The following HIBADH variants were observed in gnomAD, a reference collection of about 807,000 sequenced individuals.
The protein encoded by HIBADH is 3-hydroxyisobutyrate dehydrogenase, mitochondrial.
Under a neutral mutation model 36.1 loss-of-function variants are expected in HIBADH, and 25 were observed. That is an observed-to-expected ratio of 0.69 (90% confidence interval 0.50 to 0.97). The LOEUF (loss-of-function observed/expected upper bound fraction) is 0.97, where lower values mean the gene tolerates loss of function less well. HIBADH is among the 50% of genes least tolerant of loss of function. The probability of loss-of-function intolerance (pLI) is 0.00; values close to 1 mark genes in which losing one functional copy is unlikely to be tolerated. For missense variants in HIBADH, 421 were observed against 418.0 expected (o/e 1.01, Z -0.06); for synonymous variants, 160 against 149.5 (o/e 1.07, Z -0.51).
At chr7:27,598,890 A>T (rs1227337438) in intron 4 of HIBADH, among the ~76,000 whole-genome samples, 1 of 152,110 alleles carries the variant, frequency 6.6e-6, no homozygotes, top group Non-Finnish European at 1.5e-5. Flanking sequence ...GGAACCTACA[A>T]ATACCAACAA....
chr7:27,527,967 T>C (rs2128182460), intron 7 of HIBADH, among the ~76,000 whole-genome samples: 1 of 137,226 alleles, frequency 7.3e-6, no homozygotes, highest in Admixed American at 7.7e-5. Context: ...TTCACCATGT[T>C]GGCCAGGCTG....
intron 4 of HIBADH, among the ~76,000 whole-genome samples, chr7:27,591,298 T>A (rs1784935843): frequency 6.6e-6 from 1 of 152,160 alleles, no homozygotes; most frequent in African/African-American, 2.4e-5. Flanking sequence ...ACGCCTGTAA[T>A]CCCAGCACTT....
intron 2 of HIBADH, among the ~76,000 whole-genome samples, chr7:27,636,890 T>C (rs1355095878): frequency 1.3e-5 from 2 of 152,206 alleles, no homozygotes; most frequent in Non-Finnish European, 2.9e-5. Context: ...TCACTTTACC[T>C]CCTAGTTTGG....
intron 4 of HIBADH, among the ~76,000 whole-genome samples, chr7:27,594,086 A>G (rs1784986710): frequency 6.6e-6 from 1 of 151,006 alleles, no homozygotes; most frequent in Non-Finnish European, 1.5e-5. Flanking sequence ...ACAAAGATAA[A>G]AAGACTTTGG....
intron 2 of HIBADH, among the ~76,000 whole-genome samples, chr7:27,638,140 C>T (rs778179172): frequency 1.6e-4 from 24 of 151,826 alleles, no homozygotes; most frequent in Middle Eastern, 3.4e-3. Context: ...GCAAAAAGAA[C>T]AAAGCTGGAG....
At chr7:27,654,933 G>A (rs1786270138) in intron 1 of HIBADH, among the ~76,000 whole-genome samples, 1 of 151,874 alleles carries the variant, frequency 6.6e-6, no homozygotes. Context: ...GCAATCAGTG[G>A]GCCTCAGCCT....
chr7:27,591,770 G>A (rs2128289070), intron 4 of HIBADH, among the ~76,000 whole-genome samples: 1 of 152,254 alleles, frequency 6.6e-6, no homozygotes, highest in Middle Eastern at 3.4e-3. Flanking sequence ...GTTAACCTAG[G>A]TAAAAACAGC....
At chr7:27,622,818 C>G (rs755658871) in intron 4 of HIBADH, among the ~76,000 whole-genome samples, 2 of 152,080 alleles carry the variant, frequency 1.3e-5, no homozygotes, top group Admixed American at 6.6e-5. Context: ...CAGGACCAGA[C>G]AAACTGACAG....
At chr7:27,565,240 T>C (rs1411565746) in intron 4 of HIBADH, among the ~76,000 whole-genome samples, 2 of 152,194 alleles carry the variant, frequency 1.3e-5, no homozygotes, top group Non-Finnish European at 2.9e-5. Flanking sequence ...CCCTGCCTCA[T>C]CCATTCTTTC....
chr7:27,530,373 T>C (rs1783974311), intron 7 of HIBADH, among the ~76,000 whole-genome samples: 1 of 151,950 alleles, frequency 6.6e-6, no homozygotes, highest in Non-Finnish European at 1.5e-5. Flanking sequence ...GCCCGACTAA[T>C]TTTTTTTATT....
At chr7:27,589,385 A>C (rs1784909250) in intron 4 of HIBADH, among the ~76,000 whole-genome samples, 2 of 152,338 alleles carry the variant, frequency 1.3e-5, no homozygotes, top group Non-Finnish European at 2.9e-5. Flanking sequence ...GCTAGCTCTC[A>C]AATTCTTATT....
chr7:27,637,333 G>A lies in HIBADH; in HGVS notation c.253-4888C>T, dbSNP rs868181494. Reference sequence around the variant, plus strand: ...TTTATATTTTTAAATCACTGCATTCGCAATTTATTGATTCAAAATTTCTAA... The same window carrying A: ...TTTATATTTTTAAATCACTGCATTCACAATTTATTGATTCAAAATTTCTAA... On this transcript the variant is annotated intron_variant, in intron 2 of 7. Transcript: ENST00000265395. 8.5e-5 allele frequency among the ~76,000 whole-genome samples: 13 copies of A among 152,206 alleles called. No homozygotes were observed. In the East Asian group the frequency reaches 2.3e-3, roughly 27 times the overall value.
At chr7:27,654,423 T>A (rs1321648095) in intron 1 of HIBADH, among the ~76,000 whole-genome samples, 2 of 151,856 alleles carry the variant, frequency 1.3e-5, no homozygotes, top group African/African-American at 2.4e-5. Flanking sequence ...AAGAAAACCA[T>A]ATTAAGATGC....
At chr7:27,636,184 A>G (rs1318868531) in intron 2 of HIBADH, among the ~76,000 whole-genome samples, 2 of 152,226 alleles carry the variant, frequency 1.3e-5, no homozygotes, top group Non-Finnish European at 2.9e-5. Flanking sequence ...GTTGCTTTAC[A>G]TGAAGAGAAA....
chr7:27,630,661 G>A (rs1397172427), intron 3 of HIBADH, among the ~76,000 whole-genome samples: 3 of 152,102 alleles, frequency 2.0e-5, no homozygotes, highest in Non-Finnish European at 4.4e-5. Flanking sequence ...AGCACTCTAG[G>A]AGGCCAAGGC....
intron 4 of HIBADH, among the ~76,000 whole-genome samples, chr7:27,551,243 G>A (rs2391439): frequency 0.96 from 145,762 of 152,188 alleles, 69,861 homozygotes; most frequent in East Asian, 1. Flanking sequence ...ATTATTATGA[G>A]GAGTTAAAAG....
At chr7:27,599,420 C>T (rs914699530) in intron 4 of HIBADH, among the ~76,000 whole-genome samples, 8 of 152,052 alleles carry the variant, frequency 5.3e-5, no homozygotes, top group African/African-American at 1.9e-4. Context: ...CGGTGGCTCA[C>T]GCCTGTAATC....
intron 4 of HIBADH, among the ~76,000 whole-genome samples, chr7:27,557,717 G>A (rs1329164969): frequency 1.3e-5 from 2 of 152,222 alleles, no homozygotes; most frequent in South Asian, 4.2e-4. Flanking sequence ...TTATAAGGGG[G>A]CCTAATCCCA....
At chr7:27,651,437 C>T (rs1240036489) in intron 1 of HIBADH, among the ~76,000 whole-genome samples, 1 of 152,134 alleles carries the variant, frequency 6.6e-6, no homozygotes, top group East Asian at 1.9e-4. Context: ...AAAAGTGACA[C>T]CAAACTGAAA....
Sources: gnomAD v4.1 joint callset for allele counts (sites outside exome capture counted in the v4.1 genomes callset) on GRCh38, gnomAD v4.1.1 for gene constraint, MANE v1.5 for transcripts, NCBI Gene and HGNC (gene_info 2026-07-23, HGNC 2026-07-21) for gene names.